FRMD4A: variants seen among roughly 807,000 people sequenced by gnomAD.
The protein encoded by FRMD4A is FERM domain containing 4A, also known as FERM domain-containing protein 4A.
In FRMD4A, 29 loss-of-function variants were observed where a neutral mutation model predicts 129.1. The ratio of observed to expected loss-of-function variants is 0.22; its 90% CI spans 0.17 to 0.31. The LOEUF (loss-of-function observed/expected upper bound fraction) is 0.31. Among genes scored for constraint, FRMD4A ranks in the 10% least tolerant of loss-of-function variants. The probability of loss-of-function intolerance (pLI) is 1.00; values close to 1 mark genes in which losing one functional copy is unlikely to be tolerated. For synonymous variants in FRMD4A, 634 were observed against 571.6 expected, an observed-to-expected ratio of 1.11 and a Z score of -1.56; for missense variants, 1,272 against 1,375.8, an observed-to-expected ratio of 0.92 and a Z score of 1.19.
At chr10:14,264,131 C>A (rs978434697) in intron 2 of FRMD4A, among the ~76,000 whole-genome samples, 1 of 152,152 alleles carries the variant, frequency 6.6e-6, no homozygotes, top group Non-Finnish European at 1.5e-5. Context: ...CCTCATTAAT[C>A]CACTCTGCCC....
intron 2 of FRMD4A, among the ~76,000 whole-genome samples, chr10:13,958,611 T>TTC (rs1554988156): frequency 1.5e-5 from 2 of 132,384 alleles, no homozygotes; most frequent in Non-Finnish European, 3.2e-5. Context: ...TTTTTTTTTT[T>TTC]CCCCGCTCTT....
chr10:14,294,974 CT>C (rs986935421), intron 2 of FRMD4A, among the ~76,000 whole-genome samples: 3 of 151,990 alleles, frequency 2.0e-5, no homozygotes, highest in Non-Finnish European at 2.9e-5. Context: ...GGATTCCCTG[CT>C]TTTTTTTAAA....
intron 2 of FRMD4A, among the ~76,000 whole-genome samples, chr10:14,242,882 A>G (rs1755138): frequency 0.77 from 117,324 of 151,532 alleles, 45,708 homozygotes; most frequent in Admixed American, 0.82. Context: ...TTCCACTTGT[A>G]GATATAGATC....
intron 2 of FRMD4A, among the ~76,000 whole-genome samples, chr10:14,162,364 A>G (rs1178413848): frequency 6.6e-6 from 1 of 152,230 alleles, no homozygotes; most frequent in Admixed American, 6.5e-5. Flanking sequence ...GCTCCCAGTG[A>G]CATTTTGTAA....
chr10:14,273,513 GA>G (rs1423392915), intron 2 of FRMD4A, among the ~76,000 whole-genome samples: 17 of 152,192 alleles, frequency 1.1e-4, no homozygotes, highest in Admixed American at 7.8e-4. Flanking sequence ...GTAAGCTGAT[GA>G]TTTTTTTTTA....
chr10:13,654,324 C>G (rs1467808970), intron 23 of FRMD4A, 92 bp downstream of exon 23: 2 of 863,558 alleles, frequency 2.3e-6, no homozygotes, highest in African/African-American at 3.3e-5. Flanking sequence ...CCTCATCATC[C>G]ATTTACTGAC....
chr10:14,160,015 A>C (rs969394761), intron 2 of FRMD4A, among the ~76,000 whole-genome samples: 5 of 152,198 alleles, frequency 3.3e-5, no homozygotes, highest in African/African-American at 1.2e-4. Flanking sequence ...ATGCCACTGC[A>C]CTCCAGCCTG....
intron 2 of FRMD4A, among the ~76,000 whole-genome samples, chr10:13,987,196 G>A (rs557460428): frequency 8.5e-5 from 13 of 152,160 alleles, no homozygotes; most frequent in South Asian, 6.2e-4. Flanking sequence ...ACATGGCTTC[G>A]AAAGATCTGC....
chr10:13,797,862 A>C (rs2093155872), intron 4 of FRMD4A, among the ~76,000 whole-genome samples: 1 of 151,726 alleles, frequency 6.6e-6, no homozygotes, highest in Non-Finnish European at 1.5e-5. Context: ...GAGAAAACAC[A>C]CAAGTGACTT....
chr10:14,141,811 GCA>G (rs1839849239), intron 2 of FRMD4A, among the ~76,000 whole-genome samples: 1 of 136,098 alleles, frequency 7.3e-6, no homozygotes, highest in Non-Finnish European at 1.7e-5. Context: ...GTGTACGTGT[GCA>G]CATGTGTGTG....
chr10:14,168,154 C>T (rs1564357939), intron 2 of FRMD4A, among the ~76,000 whole-genome samples: 1 of 152,128 alleles, frequency 6.6e-6, no homozygotes. Flanking sequence ...CCTAGAAGTC[C>T]AGAGGAGACG....
intron 2 of FRMD4A, among the ~76,000 whole-genome samples, chr10:14,182,270 T>C (rs1025196072): frequency 1.3e-5 from 2 of 152,228 alleles, no homozygotes; most frequent in African/African-American, 4.8e-5. Flanking sequence ...TAGGGTGCAG[T>C]AGCACATGCC....
intron 2 of FRMD4A, among the ~76,000 whole-genome samples, chr10:14,055,957 C>T (rs994157159): frequency 9.2e-5 from 14 of 151,690 alleles, no homozygotes; most frequent in South Asian, 2.1e-4. Context: ...TTTTTTGAGA[C>T]GGAGTCTCGC....
chr10:13,982,115 CA>C (rs1378016454), intron 2 of FRMD4A, among the ~76,000 whole-genome samples: 1 of 152,004 alleles, frequency 6.6e-6, no homozygotes, highest in Non-Finnish European at 1.5e-5. Flanking sequence ...CCTTTTTTCC[CA>C]AAGCCAGCCA....
At chr10:13,840,813 A>G (rs1225681039) in intron 3 of FRMD4A, among the ~76,000 whole-genome samples, 7 of 114,794 alleles carry the variant, frequency 6.1e-5, no homozygotes, top group African/African-American at 2.0e-4. Context: ...AAAAAAAAAA[A>G]AAAAGTGGTC....
intron 2 of FRMD4A, among the ~76,000 whole-genome samples, chr10:14,021,526 C>T (rs11258807): frequency 6.6e-6 from 1 of 152,054 alleles, no homozygotes; most frequent in Non-Finnish European, 1.5e-5. Flanking sequence ...CACCACACTC[C>T]AGCCTGGGGG....
At chr10:13,850,889 G>A (rs1011060324) in intron 3 of FRMD4A, among the ~76,000 whole-genome samples, 1 of 152,208 alleles carries the variant, frequency 6.6e-6, no homozygotes, top group South Asian at 2.1e-4. Context: ...TTACTGTGAG[G>A]ATTAAATAAG....
chr10:13,944,698 T>A (rs766935335), intron 2 of FRMD4A, among the ~76,000 whole-genome samples: 2 of 152,182 alleles, frequency 1.3e-5, no homozygotes, highest in African/African-American at 2.4e-5. Flanking sequence ...CTGTTATATA[T>A]TTGTAGCTAT....
intron 3 of FRMD4A, among the ~76,000 whole-genome samples, chr10:13,815,099 C>T (rs1053642022): frequency 6.6e-6 from 1 of 152,120 alleles, no homozygotes; most frequent in African/African-American, 2.4e-5. Context: ...CATTATCATC[C>T]AGAATAGAGA....
Sources: allele counts gnomAD v4.1 joint callset (sites outside exome capture counted in the v4.1 genomes callset), GRCh38; gene constraint gnomAD v4.1.1; transcripts MANE v1.5; gene names NCBI Gene and HGNC (gene_info 2026-07-23, HGNC 2026-07-21).